Variants in GNAS observed in about 807,000 individuals in gnomAD.
GNAS encodes GNAS complex locus, also known as protein ALEX.
Under a neutral mutation model 54.5 loss-of-function variants are expected in GNAS, and 8 were observed. That is an observed-to-expected ratio of 0.15 (90% CI 0.09 to 0.26). The LOEUF (loss-of-function observed/expected upper bound fraction) is 0.26. Among genes scored for constraint, GNAS ranks in the 10% least tolerant of loss-of-function variants. The pLI is 1.00. For synonymous variants in GNAS, 204 were observed against 191.4 expected (o/e 1.07, Z -0.54); for missense variants, 170 against 529.8 (o/e 0.32, Z 6.67).
chr20:58,853,359 G>C lies in GNAS; in HGVS notation c.43+12473G>C. On this transcript the variant is annotated intron_variant, in intron 1 of 12. Coordinates refer to the GNAS transcript ENST00000306090. The surrounding 1 kb of genome is among the most constrained non-coding windows in gnomAD (Gnocchi z 4.4). Reference sequence around the variant, plus strand: ...GGAACAGCCCGAGCAACCACCTTTGGAGGCCCCAGGGGCAGCTGCCCCCGG... The same window carrying C: ...GGAACAGCCCGAGCAACCACCTTTGCAGGCCCCAGGGGCAGCTGCCCCCGG... The C allele has an allele frequency of 1.3e-6, 2 of 1,552,744 alleles. No individual in the cohort carries two copies. Among genetic ancestry groups the C allele is most frequent in the Non-Finnish European group, 1.7e-6 (2 of 1,148,204 alleles).
intron 1 of GNAS, among the ~76,000 whole-genome samples, chr20:58,850,033 A>AGCCAG (rs1047131530): frequency 6.6e-6 from 1 of 152,058 alleles, no homozygotes; most frequent in Non-Finnish European, 1.5e-5. Context: ...GCTCCCCAAG[A>AGCCAG]GCCAGCCAAG....
intron 3 of GNAS, among the ~76,000 whole-genome samples, chr20:58,901,692 G>A (rs1203969608): frequency 6.6e-6 from 1 of 152,052 alleles, no homozygotes; most frequent in African/African-American, 2.4e-5. Context: ...GGGCGAGATG[G>A]GATCCTTCAG....
Position 58,909,276 on chromosome 20 carries a change from C to T in GNAS, c.585+60C>T. On this transcript the variant is annotated intron_variant, in intron 7 of 12. Coordinates refer to ENST00000371085, the MANE Select transcript of GNAS (RefSeq NM_000516.7). The surrounding 1 kb of genome is among the most constrained non-coding windows in gnomAD (Gnocchi z 7.3). ...GCCCTCTTTCCAAACTACTCCAGAC[C>T]TTTGCTTTAGATTGGCAATTATTAC... is the stretch of plus-strand genomic sequence containing the variant. 6.3e-7 allele frequency: 1 copy of T among 1,587,166 alleles called. No individual in the cohort carries two copies. The highest frequency in any genetic ancestry group is 8.7e-7 in the Non-Finnish European group (1 of 1,155,466).
rs1311760705 is a variant in GNAS, at chr20:58,852,039, C to G, written c.43+11153C>G. Among the ~76,000 whole-genome samples the G allele has an allele frequency of 2.6e-5, 4 of 152,268 alleles. No individual in the cohort carries two copies. In the South Asian group the frequency reaches 6.2e-4, roughly 24 times the overall value. On this transcript the variant is annotated intron_variant, in intron 1 of 12. Coordinates refer to the GNAS transcript ENST00000306090. ...CCCCTTTAACCCTTCCCTAGAACAGCAGGACCTGCGAAACTCTGAGGCCGC... is the reference window on the plus strand; with the variant it reads ...CCCCTTTAACCCTTCCCTAGAACAGGAGGACCTGCGAAACTCTGAGGCCGC...
At position 58,873,052 on chromosome 20, in the gene GNAS, A is replaced by ATT. The variant is rs2087572686; in HGVS notation, c.44-22560_44-22559insTT. Reference sequence around the variant, plus strand: ...CCTCATCCCATCAGGAGGAGTTCAGACTCTCCCCAAGCACCAAGAGTTAGA... The same window carrying ATT: ...CCTCATCCCATCAGGAGGAGTTCAGATTCTCTCCCCAAGCACCAAGAGTTAGA... On this transcript the variant is annotated intron_variant, in intron 1 of 12. Coordinates refer to the GNAS transcript ENST00000306090. The surrounding 1 kb of genome is among the most constrained non-coding windows in gnomAD (Gnocchi z 4.3). Among the ~76,000 whole-genome samples the ATT allele has an allele frequency of 6.6e-6, 1 of 152,152 alleles. No individual in the cohort carries two copies. The highest frequency in any genetic ancestry group is 2.4e-5 in the African/African-American group (1 of 41,500).
At chr20:58,889,179 C>G, upstream of GNAS, 1 of 1,215,362 alleles carries the variant, frequency 8.2e-7, no homozygotes, top group Non-Finnish European at 1.1e-6. Flanking sequence ...CGGGGACACT[C>G]AGTCGCGTCG....
At position 58,873,329 on chromosome 20, in the gene GNAS, A is replaced by G. The variant is rs1256451497; in HGVS notation, c.44-22283A>G. Among the ~76,000 whole-genome samples, 3 of 152,242 alleles carry G rather than the reference A, an allele frequency of 2.0e-5. No individual in the cohort carries two copies. The highest frequency in any genetic ancestry group is 4.4e-5 in the Non-Finnish European group (3 of 68,044). On this transcript the variant is annotated intron_variant, in intron 1 of 12. Coordinates refer to the GNAS transcript ENST00000306090. The surrounding 1 kb of genome is among the most constrained non-coding windows in gnomAD (Gnocchi z 4.3). Reference sequence around the variant, plus strand: ...TTTAGTGGAAATTTAGCATAAAATGACATGCCTAATTTAAGAAAACAGTTA... The same window carrying G: ...TTTAGTGGAAATTTAGCATAAAATGGCATGCCTAATTTAAGAAAACAGTTA...
intron 1 of GNAS, chr20:58,892,105 C>T (rs2089457565): frequency 4.1e-6 from 4 of 968,636 alleles, no homozygotes; most frequent in African/African-American, 1.8e-5. Context: ...TCCCCCTCCC[C>T]CGGCCTGCCC....
At chr20:58,891,240 A>AGCCGCCGCC (rs530801993), upstream of GNAS, 71 of 141,756 alleles carry the variant, frequency 5.0e-4, no homozygotes, top group Non-Finnish European at 9.2e-4. Context: ...CCGCCCTCCC[A>AGCCGCCGCC]GCCGCCGCCG....
At chr20:58,892,153 C>T (rs118040112) in intron 1 of GNAS, 43,992 of 963,132 alleles carry the variant, frequency 0.046, 1,076 homozygotes, top group Middle Eastern at 0.062. Flanking sequence ...CTCGCTCTCC[C>T]CCTCTTTCTC....
intron 6 of GNAS, among the ~76,000 whole-genome samples, chr20:58,908,107 G>A (rs978689768): frequency 6.6e-6 from 1 of 152,222 alleles, no homozygotes; most frequent in South Asian, 2.1e-4. Flanking sequence ...TAGTAAAAAG[G>A]AAGAGGGGAA....
In GNAS at chr20:58,841,471, G is replaced by C. The variant is rs1331938929; in HGVS notation, c.43+585G>C. 5.0e-6 allele frequency: 5 copies of C among 991,666 alleles called. No individual in the cohort carries two copies. Among genetic ancestry groups the C allele is most frequent in the Non-Finnish European group, 6.0e-6 (5 of 834,220 alleles). The allele number at this position is 991,666 out of a possible 1,614,324, so 61.4% of individuals were successfully genotyped here. ...CGCGGCGCCTAAGCAGCTCAGAGCCGGAGCCCAGGTCCCAGAGCTGACAAT... is the reference window on the plus strand; with the variant it reads ...CGCGGCGCCTAAGCAGCTCAGAGCCCGAGCCCAGGTCCCAGAGCTGACAAT... On this transcript the variant is annotated intron_variant, in intron 1 of 12. Transcript: ENST00000306090. The surrounding 1 kb of genome is among the most constrained non-coding windows in gnomAD (Gnocchi z 5.0).
Position 58,909,253 on chromosome 20 carries a change from C to G in GNAS, c.585+37C>G. 6.2e-7 allele frequency: 1 copy of G among 1,600,930 alleles called. No homozygotes were observed. Among genetic ancestry groups the G allele is most frequent in the Non-Finnish European group, 8.6e-7 (1 of 1,168,016 alleles). On this transcript the variant is annotated intron_variant, in intron 7 of 12. Transcript: ENST00000371085. This position sits in a 1 kb window ranked among gnomAD's most constrained non-coding sequence, Gnocchi z 7.3. ...CCCTCCCCACCAGAGGACTCTGAGC[C>G]CTCTTTCCAAACTACTCCAGACCTT...
chr20:58,892,896 C>T (rs1047948213), intron 1 of GNAS, among the ~76,000 whole-genome samples: 1 of 120,960 alleles, frequency 8.3e-6, no homozygotes. Context: ...ACGAGCAGCG[C>T]CCCCCCAACA....
chr20:58,857,412 C>T lies in GNAS; in HGVS notation c.43+16526C>T, dbSNP rs528397345. Among the ~76,000 whole-genome samples the T allele has an allele frequency of 6.6e-6, 1 of 152,166 alleles. No homozygotes were observed. The highest frequency in any genetic ancestry group is 1.9e-4 in the East Asian group (1 of 5,204). ...GTTTCCCTGCAGACAACTGATTTTG[C>T]CATAACAGACCCATTTCAATATTCC... On this transcript the variant is annotated intron_variant, in intron 1 of 12. Coordinates refer to the GNAS transcript ENST00000306090. This position sits in a 1 kb window ranked among gnomAD's most constrained non-coding sequence, Gnocchi z 4.1.
chr20:58,851,206 G>A (rs1297429340), intron 1 of GNAS, among the ~76,000 whole-genome samples: 2 of 152,222 alleles, frequency 1.3e-5, no homozygotes, highest in African/African-American at 4.8e-5. Context: ...GTCCAACTGT[G>A]TTCGCCTCCT....
At chr20:58,843,945 TG>T (rs2085842043) in intron 1 of GNAS, 1 of 152,220 alleles carries the variant, frequency 6.6e-6, no homozygotes, top group South Asian at 2.1e-4. Flanking sequence ...GGGATTGTTT[TG>T]AGATGTTTCT....
At chr20:58,898,803 G>T in intron 2 of GNAS, 138 bp from the exon 3 acceptor site, 1 of 815,632 alleles carries the variant, frequency 1.2e-6, no homozygotes, top group Non-Finnish European at 2.2e-6. Flanking sequence ...AAGAATTGCC[G>T]GGAGGATGGA....
chr20:58,876,081 TA>T (rs1050722976), intron 1 of GNAS, among the ~76,000 whole-genome samples: 3 of 152,152 alleles, frequency 2.0e-5, no homozygotes, highest in Admixed American at 2.0e-4. Context: ...AGAGGTGTAT[TA>T]ACAGCTAATG....
Sources: gnomAD v4.1 joint callset for allele counts (sites outside exome capture counted in the v4.1 genomes callset) on GRCh38, gnomAD v4.1.1 for gene constraint, Gnocchi (gnomAD v3.1) non-coding constraint, MANE v1.5 for transcripts, NCBI Gene and HGNC (gene_info 2026-07-23, HGNC 2026-07-21) for gene names.